Variants in CNOT4 observed in about 807,000 individuals in gnomAD.
The protein encoded by CNOT4 is CCR4-NOT transcription complex subunit 4, also known as CCR4-associated factor 4.
Under a neutral mutation model 73.8 loss-of-function variants are expected in CNOT4, and 8 were observed. The ratio of observed to expected loss-of-function variants is 0.11; its 90% CI spans 0.06 to 0.20. CNOT4 has a LOEUF of 0.20. Among genes scored for constraint, CNOT4 ranks in the 10% least tolerant of loss-of-function variants. The pLI is 1.00. For missense variants in CNOT4, 564 were observed against 883.4 expected, an observed-to-expected ratio of 0.64 and a Z score of 4.58; for synonymous variants, 293 against 321.1, an observed-to-expected ratio of 0.91 and a Z score of 0.94.
In CNOT4 at chr7:135,425,354, A is replaced by T. The variant is rs186150326; in HGVS notation, c.175-3001T>A. Among the ~76,000 whole-genome samples, 4 of 152,350 alleles carry T rather than the reference A, an allele frequency of 2.6e-5. No homozygotes were observed. In the East Asian group the frequency reaches 7.7e-4, roughly 29 times the overall value. On this transcript the variant is annotated intron_variant, in intron 2 of 11. Coordinates refer to ENST00000541284, the MANE Select transcript of CNOT4 (RefSeq NM_001190850.2). ...GCAAAGTCATGTAATATTTGAAAAT[A>T]CATGAACACAAAAAAATTGAGGGAG...
At chr7:135,506,790 G>A (rs1804399930) in intron 1 of CNOT4, among the ~76,000 whole-genome samples, 1 of 151,900 alleles carries the variant, frequency 6.6e-6, no homozygotes, top group Admixed American at 6.6e-5. Flanking sequence ...AGAGGTTGCA[G>A]TGAGCCAAGA....
At chr7:135,377,910 AGC>A (rs1795609090) in intron 10 of CNOT4, among the ~76,000 whole-genome samples, 1 of 152,100 alleles carries the variant, frequency 6.6e-6, no homozygotes, top group African/African-American at 2.4e-5. Flanking sequence ...AATCAGAAAC[AGC>A]AATATTCTTA....
At chr7:135,469,818 T>G (rs1454492671) in intron 1 of CNOT4, among the ~76,000 whole-genome samples, 2 of 151,858 alleles carry the variant, frequency 1.3e-5, no homozygotes, top group Admixed American at 6.6e-5. Context: ...GTGTGGGTTT[T>G]TTTGTTTGTT....
intron 10 of CNOT4, chr7:135,386,357 G>A (rs1312781515): frequency 6.6e-6 from 1 of 152,008 alleles, no homozygotes; most frequent in African/African-American, 2.4e-5. Flanking sequence ...GGTTAAGGGT[G>A]TAAAAGTATA....
chr7:135,453,823 AT>A (rs1196562317), intron 1 of CNOT4, among the ~76,000 whole-genome samples: 2 of 73,786 alleles, frequency 2.7e-5, no homozygotes, highest in African/African-American at 4.5e-5. Flanking sequence ...AAATATATAT[AT>A]TTTATATATA....
chr7:135,431,253 C>A (rs1002792344), intron 2 of CNOT4, among the ~76,000 whole-genome samples: 7 of 152,086 alleles, frequency 4.6e-5, no homozygotes, highest in Non-Finnish European at 8.8e-5. Context: ...GGCGAAAGAG[C>A]AAGACCTTGT....
chr7:135,436,747 T>C (rs1282814966), intron 2 of CNOT4, among the ~76,000 whole-genome samples: 1 of 151,756 alleles, frequency 6.6e-6, no homozygotes, highest in Non-Finnish European at 1.5e-5. Flanking sequence ...TCATATAATA[T>C]ATATACATAT....
At chr7:135,408,652 A>G (rs1463422545) in intron 7 of CNOT4, among the ~76,000 whole-genome samples, 1 of 151,994 alleles carries the variant, frequency 6.6e-6, no homozygotes, top group African/African-American at 2.4e-5. Flanking sequence ...AAACACTCAC[A>G]CTCACTCACA....
chr7:135,440,863 G>A (rs1435910564), intron 1 of CNOT4, among the ~76,000 whole-genome samples: 2 of 150,950 alleles, frequency 1.3e-5, no homozygotes, highest in East Asian at 2.0e-4. Context: ...AGGTGGCAGC[G>A]AGCCGAGATC....
chr7:135,395,626 T>C lies in CNOT4; in HGVS notation c.1129+8A>G. The C allele has an allele frequency of 6.2e-7, 1 of 1,612,918 alleles. No homozygotes were observed. Among genetic ancestry groups the C allele is most frequent in the Non-Finnish European group, 8.5e-7 (1 of 1,179,166 alleles). ...TAATTACTAATACTTGGTACTATTG[T>C]TATATACCTGATGTGAAGAGGCTCT... is the stretch of plus-strand genomic sequence containing the variant. On this transcript the variant is annotated splice_region_variant and intron_variant, in intron 9 of 11. Coordinates refer to ENST00000541284, the MANE Select transcript of CNOT4 (RefSeq NM_001190850.2).
chr7:135,418,908 C>T (rs558248425), intron 3 of CNOT4, among the ~76,000 whole-genome samples: 1 of 152,306 alleles, frequency 6.6e-6, no homozygotes, highest in South Asian at 2.1e-4. Flanking sequence ...ACTCAGCACA[C>T]ATTTAAGCAC....
intron 10 of CNOT4, among the ~76,000 whole-genome samples, chr7:135,392,634 TACTA>T (rs749636816): frequency 5.9e-5 from 9 of 152,276 alleles, no homozygotes; most frequent in South Asian, 4.1e-4. Flanking sequence ...TCTGGTTACC[TACTA>T]ACTACCATAA....
At chr7:135,467,439 A>G (rs928557654) in intron 1 of CNOT4, among the ~76,000 whole-genome samples, 15 of 152,174 alleles carry the variant, frequency 9.9e-5, no homozygotes, top group Non-Finnish European at 1.5e-4. Flanking sequence ...GGCCTGGCAC[A>G]GTGGATCATG....
At chr7:135,491,077 G>A (rs1179091549) in intron 1 of CNOT4, among the ~76,000 whole-genome samples, 4 of 152,242 alleles carry the variant, frequency 2.6e-5, no homozygotes, top group African/African-American at 9.6e-5. Flanking sequence ...CTGAGATGAG[G>A]AAGGCTATGT....
At chr7:135,445,700 T>A (rs59192159) in intron 1 of CNOT4, among the ~76,000 whole-genome samples, 1,763 of 152,270 alleles carry the variant, frequency 0.012, 39 homozygotes, top group African/African-American at 0.04. Context: ...GAAAATGTAT[T>A]CTATGAAAAT....
At chr7:135,486,883 C>T (rs1233305389) in intron 1 of CNOT4, among the ~76,000 whole-genome samples, 3 of 151,814 alleles carry the variant, frequency 2.0e-5, no homozygotes, top group East Asian at 3.9e-4. Context: ...GTCTAGAGAG[C>T]CAACAGAAAT....
intron 8 of CNOT4, among the ~76,000 whole-genome samples, chr7:135,397,243 A>G (rs1054837487): frequency 6.6e-6 from 1 of 152,216 alleles, no homozygotes; most frequent in Admixed American, 6.5e-5. Flanking sequence ...GAGCATGTGT[A>G]TTTTTTTAAA....
intron 10 of CNOT4, among the ~76,000 whole-genome samples, chr7:135,370,945 A>G (rs1795171754): frequency 6.6e-6 from 1 of 152,228 alleles, no homozygotes; most frequent in South Asian, 2.1e-4. Context: ...CAACGCATCA[A>G]AACTGTTTAA....
intron 10 of CNOT4, among the ~76,000 whole-genome samples, chr7:135,370,166 C>T (rs897272047): frequency 6.6e-6 from 1 of 152,072 alleles, no homozygotes; most frequent in African/African-American, 2.4e-5. Flanking sequence ...AGGTCACAGA[C>T]AAAATCTTAA....
Sources: allele counts gnomAD v4.1 joint callset (sites outside exome capture counted in the v4.1 genomes callset), GRCh38; gene constraint gnomAD v4.1.1; transcripts MANE v1.5; gene names NCBI Gene and HGNC (gene_info 2026-07-23, HGNC 2026-07-21).